The following SPEG variants were observed in gnomAD, a reference collection of about 807,000 sequenced individuals.
SPEG encodes striated muscle enriched protein kinase, also known as striated muscle preferentially expressed protein kinase.
Under a neutral mutation model 300.4 loss-of-function variants are expected in SPEG, and 114 were observed. That is an observed-to-expected ratio of 0.38 (90% CI 0.33 to 0.44). The LOEUF (loss-of-function observed/expected upper bound fraction) is 0.44, where lower values mean the gene tolerates loss of function less well. Ranked by LOEUF, SPEG falls within the 20% of genes least tolerant of loss-of-function variation. The probability of loss-of-function intolerance (pLI) is 1.00; values close to 1 mark genes in which losing one functional copy is unlikely to be tolerated. For synonymous variants in SPEG, 1,964 were observed against 2,018.9 expected (o/e 0.97, Z 0.73); for missense variants, 4,201 against 4,586.2 (o/e 0.92, Z 2.43).
rs1373577791 is a variant in SPEG, at chr2:219,448,346, C to T, written c.1188C>T (p.Ala396=). Residue 396 remains alanine (A), a synonymous_variant, in exon 4 of 41, where the codon GCC becomes GCT. Coordinates refer to ENST00000312358, the MANE Select transcript of SPEG (RefSeq NM_005876.5). The part of the protein sequence containing the change: ...ALGRSPRLVR[A]GSRILDKLQF... ...GCCGATCGCCTAGGCTGGTGCGCGC[C>T]GGCTCCCGCATCCTGGACAAGCTGC... The T allele has an allele frequency of 1.3e-6, 2 of 1,590,462 alleles. No homozygotes were observed. Among genetic ancestry groups the T allele is most frequent in the South Asian group, 1.1e-5 (1 of 88,532 alleles).
chr2:219,478,129 TA>T (rs749758066), intron 22 of SPEG, 24 bp downstream of exon 22: 23 of 1,598,912 alleles, frequency 1.4e-5, no homozygotes, highest in Middle Eastern at 1.7e-4. Flanking sequence ...GGCTGGGGGC[TA>T]GGGGGATCCA....
chr2:219,489,011 CA>C, intron 34 of SPEG, 42 bp from the exon 35 acceptor site: 1 of 1,609,138 alleles, frequency 6.2e-7, no homozygotes, highest in Non-Finnish European at 8.5e-7. Flanking sequence ...GAGCTGGGGC[CA>C]CCGCTTCTGT....
In SPEG at chr2:219,444,389, G is replaced by A. The variant is rs1019488603; in HGVS notation, c.389-264G>A. 6.6e-5 allele frequency among the ~76,000 whole-genome samples: 10 copies of A among 152,062 alleles called. No individual in the cohort carries two copies. The highest frequency in any genetic ancestry group is 1.3e-4 in the Admixed American group (2 of 15,264). On this transcript the variant is annotated intron_variant, in intron 1 of 40. Transcript: ENST00000312358. The surrounding 1 kb of genome is among the most constrained non-coding windows in gnomAD (Gnocchi z 7.8). Reference sequence around the variant, plus strand: ...ATCCATTAAGATATTGGCAGGCGGGGAGGGGGTGGCAGTTTGGAGGGCCCT... The same window carrying A: ...ATCCATTAAGATATTGGCAGGCGGGAAGGGGGTGGCAGTTTGGAGGGCCCT...
intron 6 of SPEG, chr2:219,460,968 A>G (rs1186464708): frequency 3.1e-6 from 3 of 978,374 alleles, no homozygotes; most frequent in African/African-American, 3.7e-5. Context: ...GGACAGGCAC[A>G]GGCTGGGGTC....
chr2:219,465,799 G>A (rs1691219790), intron 9 of SPEG: 2 of 587,878 alleles, frequency 3.4e-6, no homozygotes, highest in Non-Finnish European at 6.1e-6. Flanking sequence ...CTGCGTGCCT[G>A]TGCGTGCATG....
chr2:219,442,207 G>T, intron 1 of SPEG: 1 of 566,488 alleles, frequency 1.8e-6, no homozygotes, highest in Non-Finnish European at 2.5e-6. Context: ...TGCCCCACCC[G>T]AGCCCCGCCG....
At chr2:219,442,441 C>T (rs1416925358) in intron 1 of SPEG, among the ~76,000 whole-genome samples, 3 of 151,404 alleles carry the variant, frequency 2.0e-5, no homozygotes, top group African/African-American at 7.3e-5. Flanking sequence ...CCCGGCCCCC[C>T]GCCCGGCCTG....
rs140441968 is a variant in SPEG, at chr2:219,456,647, C to T, written c.2440+4840C>T. Among the ~76,000 whole-genome samples, 26 of 152,294 alleles carry T rather than the reference C, an allele frequency of 1.7e-4. 1 individual carries two copies. The highest frequency in any genetic ancestry group is 8.5e-4 in the Admixed American group (13 of 15,296). On this transcript the variant is annotated intron_variant, in intron 6 of 40. Coordinates refer to ENST00000312358, the MANE Select transcript of SPEG (RefSeq NM_005876.5). ...CATCATGACCGGGTGCGGTGGCTCA[C>T]GCCTGTAATCCCAGCACTTTGGGAG...
chr2:219,458,243 G>C lies in SPEG; in HGVS notation c.2441-3639G>C, dbSNP rs1690347401. Among the ~76,000 whole-genome samples, 1 of 152,210 alleles carries C rather than the reference G, an allele frequency of 6.6e-6. No homozygotes were observed. Among genetic ancestry groups the C allele is most frequent in the African/African-American group, 2.4e-5 (1 of 41,446 alleles). On this transcript the variant is annotated intron_variant, in intron 6 of 40. Transcript: ENST00000312358. The surrounding 1 kb of genome is among the most constrained non-coding windows in gnomAD (Gnocchi z 4.2). ...TTGAGCAACGTGGGTGACACACAGA[G>C]GTGAGGCTAGGCATGACACCCAGCC...
rs1431215513 is a variant in SPEG, at chr2:219,477,972, A to G, written c.4894A>G (p.Ile1632Val). 2 of 1,614,028 alleles carry G rather than the reference A, an allele frequency of 1.2e-6. No individual in the cohort carries two copies. Among genetic ancestry groups the G allele is most frequent in the African/African-American group, 2.7e-5 (2 of 74,916 alleles). Residue 1632 changes from isoleucine (I) to valine (V), a missense_variant, in exon 22 of 41, where the codon ATC (isoleucine) becomes GTC (valine). By Grantham distance (29) the Ile-to-Val change is conservative. Around this residue, in one of 4 missense-constraint regions of SPEG, gnomAD observed 1,047 missense variants for 1,356.8 expected, o/e 0.77. Coordinates refer to ENST00000312358, the MANE Select transcript of SPEG (RefSeq NM_005876.5). The surrounding 1 kb of genome is among the most constrained non-coding windows in gnomAD (Gnocchi z 6.4). ...SSGLEFAAKFIPSQAKPKASA... is the reference protein window; with the variant it reads ...SSGLEFAAKFVPSQAKPKASA... ...CGGCCTGGAGTTTGCGGCCAAGTTC[A>G]TCCCCAGCCAGGCCAAGCCAAAGGC...
In SPEG at chr2:219,483,097, G is replaced by A. The variant is rs1422248095; in HGVS notation, c.5635-1G>A. On this transcript the variant is annotated splice_acceptor_variant, in intron 29 of 40. Coordinates refer to ENST00000312358, the MANE Select transcript of SPEG (RefSeq NM_005876.5). LOFTEE classifies it high-confidence loss of function. ...GTCTGACTCCAGTACCCTGTCTCCA[G>A]CGCTCCCAGATCAGCTACAAATGCC... 1 of 1,604,718 alleles carries A rather than the reference G, an allele frequency of 6.2e-7. No individual in the cohort carries two copies. The highest frequency in any genetic ancestry group is 8.5e-7 in the Non-Finnish European group (1 of 1,178,470).
intron 15 of SPEG, 140 bp from the exon 16 acceptor site, chr2:219,472,750 G>A: frequency 1.5e-6 from 1 of 673,698 alleles, no homozygotes; most frequent in South Asian, 2.2e-5. Context: ...GCAGATGGGG[G>A]GACAGGCAGG....
rs758661662 is a variant in SPEG, at chr2:219,444,868, G to A, written c.522G>A (p.Pro174=). The change falls in exon 3 of 41, where the codon CCG becomes CCA. Residue 174 remains proline (P), a synonymous_variant. Transcript: ENST00000312358. The surrounding 1 kb of genome is among the most constrained non-coding windows in gnomAD (Gnocchi z 7.8). Reference sequence around the variant, plus strand: ...TGGGCACCTCCCTGGACACACCCCCGACCTCCGTGACAGGCACCTCAGAGG... The same window carrying A: ...TGGGCACCTCCCTGGACACACCCCCAACCTCCGTGACAGGCACCTCAGAGG... ...TLVGTSLDTP[P]TSVTGTSEEQ... 6 of 1,569,618 alleles carry A rather than the reference G, an allele frequency of 3.8e-6. No homozygotes were observed. Among genetic ancestry groups the A allele is most frequent in the East Asian group, 2.2e-5 (1 of 44,520 alleles).
Position 219,477,293 on chromosome 2 carries a change from C to T in SPEG, c.4577C>T (p.Thr1526Ile), listed in dbSNP as rs1461407914. The change falls in exon 20 of 41, where the codon ACC becomes ATC. Residue 1526 changes from threonine to isoleucine, a missense_variant. Around this residue, in one of 4 missense-constraint regions of SPEG, gnomAD observed 1,047 missense variants for 1,356.8 expected, o/e 0.77. Transcript: ENST00000312358. The surrounding 1 kb of genome is among the most constrained non-coding windows in gnomAD (Gnocchi z 6.4). ...ACTCTGCAGGACGAGGTGCTGCTGA[C>T]CGAGAGCAGCCATGTGAGCTTCGTG... The part of the protein sequence containing the change: ...IMWYKDEVLL[T>I]ESSHVSFVYE... The T allele has an allele frequency of 1.2e-6, 2 of 1,612,078 alleles. No homozygotes were observed. The highest frequency in any genetic ancestry group is 1.7e-6 in the Non-Finnish European group (2 of 1,179,576).
At position 219,484,396 on chromosome 2, in the gene SPEG, G is replaced by C. The variant is rs1693177912; in HGVS notation, c.6933G>C (p.Thr2311=). ...TAGCCGAGAAAGCCCGAGTTCCCAC[G>C]GTGCCCCCCAGGCCAGGCAGCAGTC... ...PVLAEKARVP[T]VPPRPGSSLS... Residue 2311 remains threonine (T), a synonymous_variant, in exon 30 of 41, where the codon ACG becomes ACC. Transcript: ENST00000312358. 1.2e-6 allele frequency: 2 copies of C among 1,609,052 alleles called. No homozygotes were observed. Among genetic ancestry groups the C allele is most frequent in the Non-Finnish European group, 1.7e-6 (2 of 1,179,362 alleles).
intron 6 of SPEG, among the ~76,000 whole-genome samples, chr2:219,457,973 A>G (rs1050096323): frequency 4.6e-5 from 7 of 151,702 alleles, no homozygotes; most frequent in African/African-American, 1.7e-4. Flanking sequence ...CTATACTCCC[A>G]CGCCCCTTAC....
intron 7 of SPEG, 79 bp downstream of exon 7, chr2:219,462,136 C>G: frequency 2.4e-6 from 3 of 1,262,222 alleles, no homozygotes; most frequent in Non-Finnish European, 2.2e-6. Context: ...GGGGCCATGC[C>G]TAGGCAACAT....
In SPEG at chr2:219,463,392, A is replaced by ATTTTTTT. The variant is rs71040459; in HGVS notation, c.2706-1009_2706-1003dup. On this transcript the variant is annotated intron_variant, in intron 8 of 40. Transcript: ENST00000312358. ...AATTGATTGTCTGGTCCCCACTGTGATTTTTTTTTTTTTTTTTTTTTTTTT... is the reference window on the plus strand; with the variant it reads ...AATTGATTGTCTGGTCCCCACTGTGATTTTTTTTTTTTTTTTTTTTTTTTTTTTTTTT... Among the ~76,000 whole-genome samples, 50 of 23,944 alleles carry ATTTTTTT rather than the reference A, an allele frequency of 2.1e-3. 16 individuals carry two copies. The highest frequency in any genetic ancestry group is 0.013 in the East Asian group (5 of 392). 15.7% of individuals were successfully genotyped at this position (23,944 alleles called of 152,430 possible).
chr2:219,460,401 G>A, intron 6 of SPEG: 2 of 985,406 alleles, frequency 2.0e-6, no homozygotes, highest in Non-Finnish European at 2.4e-6. Flanking sequence ...AGAGCAAGGG[G>A]CAACACAGGG....
Sources: gnomAD v4.1 joint callset for allele counts (sites outside exome capture counted in the v4.1 genomes callset) on GRCh38, gnomAD v4.1.1 for gene constraint, gnomAD v4.1.1 regional missense constraint, Gnocchi (gnomAD v3.1) non-coding constraint, MANE v1.5 for transcripts, NCBI Gene and HGNC (gene_info 2026-07-23, HGNC 2026-07-21) for gene names.